The following RAD51B variants were observed in gnomAD, a reference collection of about 807,000 sequenced individuals.
The protein encoded by RAD51B is DNA repair protein RAD51 homolog 2.
Under a neutral mutation model 42.2 loss-of-function variants are expected in RAD51B, and 38 were observed. The observed-to-expected ratio is 0.90, with a 90% CI of 0.70 to 1.18. The LOEUF (loss-of-function observed/expected upper bound fraction) is 1.18. RAD51B is among the 50% of genes most tolerant of loss of function. The pLI, the probability that RAD51B is intolerant of heterozygous loss-of-function variation, is 0.00. For synonymous variants in RAD51B, 154 were observed against 145.2 expected (o/e 1.06, Z -0.43); for missense variants, 373 against 400.7 (o/e 0.93, Z 0.59).
At chr14:68,418,040 C>T (rs546001887) in intron 9 of RAD51B, among the ~76,000 whole-genome samples, 1 of 152,192 alleles carries the variant, frequency 6.6e-6, no homozygotes, top group African/African-American at 2.4e-5. Flanking sequence ...AAAATAAAAA[C>T]AAAACACGGG....
rs2082523357 is a variant in RAD51B at position 68,339,241 on chromosome 14, TA to T, written c.853+47263del. ...TCTGGCCTGTACTTGTGGGCCAGCT[TA>T]AGCAGCTGAGTAGCTGTTTGGTGGT... is the stretch of plus-strand genomic sequence containing the variant. On this transcript the variant is annotated intron_variant, in intron 8 of 10. Transcript: ENST00000471583. 2.9e-5 allele frequency: 33 copies of T among 1,150,944 alleles called. No homozygotes were observed. The South Asian group carries it at 4.2e-4, about 14-fold the overall frequency. The allele number at this position is 1,150,944 out of a possible 1,614,324, so 71.3% of individuals were successfully genotyped here.
intron 7 of RAD51B, among the ~76,000 whole-genome samples, chr14:67,901,243 A>C (rs1055028136): frequency 6.6e-6 from 1 of 152,244 alleles, no homozygotes; most frequent in Non-Finnish European, 1.5e-5. Flanking sequence ...AGCGAAAGCC[A>C]CAGGGGTACT....
Position 67,865,032 on chromosome 14 carries a change from TCA to T in RAD51B, c.346_347del (p.Gln116ValfsTer26). The T allele has an allele frequency of 7.8e-7, 1 of 1,284,578 alleles. No homozygotes were observed. The highest frequency in any genetic ancestry group is 1.1e-6 in the Non-Finnish European group (1 of 946,470). The allele number at this position is 1,284,578 out of a possible 1,614,324, so 79.6% of individuals were successfully genotyped here. On this transcript the variant is annotated frameshift_variant, in exon 5 of 11. Coordinates refer to ENST00000471583, the MANE Select transcript of RAD51B (RefSeq NM_133510.4). LOFTEE classifies it high-confidence loss of function. ...CAGGTCCACCAGGTTGTGGAAAAAC[TCA>T]GTTTTGTATAATGATGAGCATTTTG... ...ITGPPGCGKT[Q>X]FCIMMSILAT...
chr14:67,954,560 C>T (rs1031747544), intron 7 of RAD51B, among the ~76,000 whole-genome samples: 7 of 152,138 alleles, frequency 4.6e-5, no homozygotes, highest in African/African-American at 1.7e-4. Flanking sequence ...GTTTTGAGGT[C>T]ACTGATGGCC....
chr14:68,092,949 T>G (rs1017324268), intron 7 of RAD51B, among the ~76,000 whole-genome samples: 1 of 150,338 alleles, frequency 6.7e-6, no homozygotes, highest in East Asian at 1.9e-4. Context: ...CTGCATCTAT[T>G]GAGATAATCA....
intron 10 of RAD51B, among the ~76,000 whole-genome samples, chr14:68,610,390 G>A (rs1279996341): frequency 2.0e-5 from 3 of 152,100 alleles, no homozygotes. Flanking sequence ...TTTGGGCCTC[G>A]CTTCCCGTGG....
intron 7 of RAD51B, among the ~76,000 whole-genome samples, chr14:68,142,493 T>G (rs1288338019): frequency 6.6e-6 from 1 of 152,246 alleles, no homozygotes; most frequent in East Asian, 1.9e-4. Context: ...AAATATTATC[T>G]TCTATATTTA....
At chr14:68,092,121 G>A (rs1262402134) in intron 7 of RAD51B, among the ~76,000 whole-genome samples, 1 of 152,234 alleles carries the variant, frequency 6.6e-6, no homozygotes, top group Non-Finnish European at 1.5e-5. Context: ...ATAGTTTGAA[G>A]TCAGGTAGCA....
chr14:68,214,465 G>A (rs2079773555), intron 7 of RAD51B, among the ~76,000 whole-genome samples: 1 of 152,120 alleles, frequency 6.6e-6, no homozygotes, highest in Non-Finnish European at 1.5e-5. Context: ...ATGGGGAGGT[G>A]GAGGGGAGGG....
chr14:68,375,446 G>A (rs1380347646), intron 8 of RAD51B, among the ~76,000 whole-genome samples: 2 of 152,096 alleles, frequency 1.3e-5, no homozygotes, highest in African/African-American at 4.8e-5. Flanking sequence ...TATATGCAGC[G>A]TCCTCTGCCT....
intron 8 of RAD51B, among the ~76,000 whole-genome samples, chr14:68,378,392 C>T (rs1159397020): frequency 1.3e-5 from 2 of 152,176 alleles, no homozygotes; most frequent in African/African-American, 4.8e-5. Context: ...ATTGAGACCA[C>T]CTTCCTCTAT....
intron 7 of RAD51B, among the ~76,000 whole-genome samples, chr14:68,033,126 T>A (rs1406935934): frequency 1.3e-5 from 2 of 152,204 alleles, no homozygotes; most frequent in African/African-American, 4.8e-5. Context: ...AGGAGCCATG[T>A]CTTTTTCATT....
intron 9 of RAD51B, among the ~76,000 whole-genome samples, chr14:68,437,813 G>A (rs111690817): frequency 2.6e-5 from 4 of 152,102 alleles, no homozygotes; most frequent in African/African-American, 9.7e-5. Flanking sequence ...TTGTTGGGAT[G>A]GTCAGAACAC....
At chr14:67,954,823 G>C (rs2074517256) in intron 7 of RAD51B, among the ~76,000 whole-genome samples, 1 of 152,130 alleles carries the variant, frequency 6.6e-6, no homozygotes. Flanking sequence ...GAGAAGAAGA[G>C]AAAGAAAGTA....
At chr14:68,380,435 C>T (rs188545043) in intron 8 of RAD51B, among the ~76,000 whole-genome samples, 1 of 152,094 alleles carries the variant, frequency 6.6e-6, no homozygotes, top group Non-Finnish European at 1.5e-5. Flanking sequence ...CCAGCAGGCC[C>T]CAGATGGTTA....
intron 11 of RAD51B, among the ~76,000 whole-genome samples, chr14:68,659,221 G>T (rs1892884429): frequency 6.6e-6 from 1 of 152,216 alleles, no homozygotes; most frequent in South Asian, 2.1e-4. Context: ...CCTGCCTGGG[G>T]ACGTGAGGCC....
At chr14:68,524,011 T>C (rs1886761262) in intron 10 of RAD51B, among the ~76,000 whole-genome samples, 1 of 152,212 alleles carries the variant, frequency 6.6e-6, no homozygotes, top group Non-Finnish European at 1.5e-5. Flanking sequence ...ATTTAATCTT[T>C]TGATAATAAT....
chr14:68,259,115 C>T (rs2080820920), intron 7 of RAD51B, among the ~76,000 whole-genome samples: 1 of 152,214 alleles, frequency 6.6e-6, no homozygotes, highest in African/African-American at 2.4e-5. Context: ...GTGATTGAGG[C>T]TCTGCAAATT....
At chr14:67,920,794 G>A (rs2044299034) in intron 7 of RAD51B, among the ~76,000 whole-genome samples, 1 of 150,636 alleles carries the variant, frequency 6.6e-6, no homozygotes, top group South Asian at 2.1e-4. Flanking sequence ...TAGTCCCCAG[G>A]AAAAAAAAAT....
Sources: allele counts gnomAD v4.1 joint callset (sites outside exome capture counted in the v4.1 genomes callset), GRCh38; gene constraint gnomAD v4.1.1; transcripts MANE v1.5; gene names NCBI Gene and HGNC (gene_info 2026-07-23, HGNC 2026-07-21).